The following STXBP4 variants were observed in gnomAD, a reference collection of about 807,000 sequenced individuals.
STXBP4 encodes syntaxin binding protein 4, also known as syntaxin-binding protein 4.
In STXBP4, 55 loss-of-function variants were observed where a neutral mutation model predicts 76.1. The observed-to-expected ratio is 0.72, with a 90% confidence interval of 0.58 to 0.91. The LOEUF is 0.91. Among genes scored for constraint, STXBP4 ranks in the 40% least tolerant of loss-of-function variants. The probability of loss-of-function intolerance (pLI) is 0.00; values close to 1 mark genes in which losing one functional copy is unlikely to be tolerated. For missense variants in STXBP4, 618 were observed against 636.9 expected, an observed-to-expected ratio of 0.97 and a Z score of 0.32; for synonymous variants, 201 against 220.2, an observed-to-expected ratio of 0.91 and a Z score of 0.77.
At position 55,155,596 on chromosome 17, in the gene STXBP4, T is replaced by C. The variant is rs1168730744; in HGVS notation, c.1548-4201T>C. 2.0e-5 allele frequency among the ~76,000 whole-genome samples: 3 copies of C among 151,756 alleles called. 1 individual carries two copies. Among genetic ancestry groups the C allele is most frequent in the East Asian group, 3.9e-4 (2 of 5,160 alleles). On this transcript the variant is annotated intron_variant, in intron 17 of 17. Coordinates refer to ENST00000376352, the MANE Select transcript of STXBP4 (RefSeq NM_178509.6). ...TTATCTTAAACATGATAAAATAGTATATGCAAATTCACAATGATGTATAAA... is the reference window on the plus strand; with the variant it reads ...TTATCTTAAACATGATAAAATAGTACATGCAAATTCACAATGATGTATAAA...
intron 12 of STXBP4, among the ~76,000 whole-genome samples, chr17:55,055,368 A>G (rs1008850632): frequency 1.3e-5 from 2 of 152,174 alleles, no homozygotes; most frequent in African/African-American, 4.8e-5. Context: ...TTCATACTCC[A>G]TAACCAACTT....
At chr17:54,990,417 G>A (rs945835349) in intron 3 of STXBP4, among the ~76,000 whole-genome samples, 2 of 152,170 alleles carry the variant, frequency 1.3e-5, no homozygotes, top group Non-Finnish European at 2.9e-5. Flanking sequence ...GCATGTGAGG[G>A]ATCTAGCTTG....
intron 16 of STXBP4, among the ~76,000 whole-genome samples, chr17:55,105,722 C>A (rs902456810): frequency 2.0e-5 from 3 of 151,998 alleles, no homozygotes; most frequent in African/African-American, 7.3e-5. Flanking sequence ...CCGTTACCCA[C>A]CAGCCTTGGC....
chr17:55,010,069 T>G (rs2078080762), intron 8 of STXBP4, among the ~76,000 whole-genome samples: 1 of 151,978 alleles, frequency 6.6e-6, no homozygotes, highest in South Asian at 2.1e-4. Flanking sequence ...ATAGTATATT[T>G]TTTAATCTTC....
chr17:55,194,961 CATACCTGTGCATACCACCTAAATATCA>C, the STXBP4 span, among the ~76,000 whole-genome samples: 40 of 152,316 alleles, frequency 2.6e-4, no homozygotes, highest in Admixed American at 9.8e-4. Context: ...ATCAAGTACT[CATACCTGTGCATACCACCTAAATATCA>C]ATACCTGTGC....
At chr17:55,123,939 A>G (rs1362201968) in intron 16 of STXBP4, among the ~76,000 whole-genome samples, 1 of 151,442 alleles carries the variant, frequency 6.6e-6, no homozygotes, top group Non-Finnish European at 1.5e-5. Context: ...ATGACTTGAA[A>G]CTCTAATGCA....
At chr17:55,102,666 G>A (rs2079581370) in intron 16 of STXBP4, among the ~76,000 whole-genome samples, 1 of 152,124 alleles carries the variant, frequency 6.6e-6, no homozygotes, top group Non-Finnish European at 1.5e-5. Context: ...TGGGTCAAAT[G>A]ATATTTCTGG....
chr17:55,177,490 G>C (rs2080435527), downstream of STXBP4, among the ~76,000 whole-genome samples: 1 of 152,192 alleles, frequency 6.6e-6, no homozygotes, highest in African/African-American at 2.4e-5. Flanking sequence ...AGAAAATGTG[G>C]CTGATATTGT....
chr17:55,108,712 T>C (rs1404943494), intron 16 of STXBP4, among the ~76,000 whole-genome samples: 1 of 152,186 alleles, frequency 6.6e-6, no homozygotes. Context: ...CCCACCCTGC[T>C]TCTGCTCACC....
chr17:55,197,102 A>C, the STXBP4 span, among the ~76,000 whole-genome samples: 1 of 152,356 alleles, frequency 6.6e-6, no homozygotes, highest in East Asian at 1.9e-4. Context: ...CTACTGACAC[A>C]TTAAAACAAT....
At chr17:55,076,538 G>A (rs978128450) in intron 13 of STXBP4, among the ~76,000 whole-genome samples, 4 of 152,208 alleles carry the variant, frequency 2.6e-5, no homozygotes, top group Admixed American at 2.6e-4. Flanking sequence ...CTGTCAATCT[G>A]TCATTTGTTT....
At chr17:55,113,796 GTTGT>G (rs898042604) in intron 16 of STXBP4, among the ~76,000 whole-genome samples, 5 of 151,996 alleles carry the variant, frequency 3.3e-5, no homozygotes, top group African/African-American at 1.2e-4. Flanking sequence ...ACTTTTGTGT[GTTGT>G]TTGTTTGTTT....
At chr17:55,058,703 G>A (rs1038616261) in intron 12 of STXBP4, among the ~76,000 whole-genome samples, 1 of 152,048 alleles carries the variant, frequency 6.6e-6, no homozygotes, top group African/African-American at 2.4e-5. Context: ...ATGGGCATTT[G>A]TTTTATTACT....
At chr17:55,117,960 T>G (rs954320793) in intron 16 of STXBP4, among the ~76,000 whole-genome samples, 1 of 151,946 alleles carries the variant, frequency 6.6e-6, no homozygotes, top group Admixed American at 6.6e-5. Context: ...ACTGGACATT[T>G]TTTTGAAAGC....
In STXBP4 at chr17:54,987,276, A is replaced by C. The variant is rs372648623; in HGVS notation, c.47+1010A>C. ...GTGTGCCCTCATTCCCTCTATAAAA[A>C]GTTGTTTTTATTCTTGGTCCTTTTG... On this transcript the variant is annotated intron_variant, in intron 3 of 17. Coordinates refer to ENST00000376352, the MANE Select transcript of STXBP4 (RefSeq NM_178509.6). 1.5e-3 allele frequency among the ~76,000 whole-genome samples: 221 copies of C among 152,302 alleles called. 7 individuals carry two copies. In the South Asian group the frequency reaches 0.045, roughly 31 times the overall value.
chr17:55,128,797 T>C lies in STXBP4; in HGVS notation c.1490-12513T>C, dbSNP rs60635660. Among the ~76,000 whole-genome samples the C allele has an allele frequency of 3.3e-3, 509 of 152,180 alleles. 7 individuals carry two copies. Among genetic ancestry groups the C allele is most frequent in the African/African-American group, 0.012 (495 of 41,516 alleles). On this transcript the variant is annotated intron_variant, in intron 16 of 17. Transcript: ENST00000376352. ...TGCCCGGCTACTTTTACTATTTTTG[T>C]AGAGACGGGGTTGCACCATGTTGGC... is the stretch of plus-strand genomic sequence containing the variant.
rs77279967 is a variant in STXBP4, at chr17:55,022,468, G to A, written c.667-8700G>A. 2.6e-3 allele frequency among the ~76,000 whole-genome samples: 403 copies of A among 152,206 alleles called. 1 individual carries two copies. The highest frequency in any genetic ancestry group is 6.8e-3 in the Middle Eastern group (2 of 294). On this transcript the variant is annotated intron_variant, in intron 8 of 17. Coordinates refer to ENST00000376352, the MANE Select transcript of STXBP4 (RefSeq NM_178509.6). ...TATTTATTGTTTACTTCCTCTGGTTGAGGCATTTTAGTGTTTTGGCACTGT... is the reference window on the plus strand; with the variant it reads ...TATTTATTGTTTACTTCCTCTGGTTAAGGCATTTTAGTGTTTTGGCACTGT...
chr17:55,146,914 G>A (rs1006522000), intron 17 of STXBP4, among the ~76,000 whole-genome samples: 2 of 152,140 alleles, frequency 1.3e-5, no homozygotes, highest in African/African-American at 4.8e-5. Flanking sequence ...AAAAGCTACA[G>A]TGTCTTTTAT....
intron 11 of STXBP4, among the ~76,000 whole-genome samples, chr17:55,045,214 A>G (rs1473183273): frequency 1.3e-5 from 2 of 152,032 alleles, no homozygotes; most frequent in Non-Finnish European, 2.9e-5. Context: ...CACTACTATA[A>G]GAGTATTTTA....
Sources: allele counts gnomAD v4.1 joint callset (sites outside exome capture counted in the v4.1 genomes callset), GRCh38; gene constraint gnomAD v4.1.1; transcripts MANE v1.5; gene names NCBI Gene and HGNC (gene_info 2026-07-23, HGNC 2026-07-21).